ME3: variants seen among roughly 807,000 people sequenced by gnomAD.
The protein encoded by ME3 is NADP-dependent malic enzyme, mitochondrial.
ME3 carries 48 observed loss-of-function variants against 68.9 expected under a neutral mutation model. The observed-to-expected ratio is 0.70, with a 90% confidence interval of 0.55 to 0.89. The LOEUF (loss-of-function observed/expected upper bound fraction) is 0.89, where lower values mean the gene tolerates loss of function less well. Ranked by LOEUF, ME3 falls within the 40% of genes least tolerant of loss-of-function variation. The probability of loss-of-function intolerance (pLI) is 0.00; values close to 1 mark genes in which losing one functional copy is unlikely to be tolerated. For missense variants in ME3, 675 were observed against 797.4 expected (o/e 0.85, Z 1.85); for synonymous variants, 320 against 318.8 (o/e 1.00, Z -0.04).
intron 4 of ME3, among the ~76,000 whole-genome samples, chr11:86,533,033 C>G (rs80010269): frequency 2.4e-3 from 359 of 150,942 alleles, no homozygotes; most frequent in African/African-American, 8.4e-3. Flanking sequence ...GCCTGGGTGA[C>G]AGAGCAAGAT....
intron 4 of ME3, among the ~76,000 whole-genome samples, chr11:86,545,737 G>A (rs1393548439): frequency 6.6e-5 from 10 of 152,136 alleles, no homozygotes; most frequent in Non-Finnish European, 4.4e-5. Context: ...TGGCCATACT[G>A]CCCAAAGTAT....
At chr11:86,613,131 G>A (rs933887130) in intron 2 of ME3, among the ~76,000 whole-genome samples, 26 of 152,170 alleles carry the variant, frequency 1.7e-4, no homozygotes, top group Non-Finnish European at 2.9e-4. Context: ...CATATGGCTA[G>A]CCAGTTTTCC....
chr11:86,646,281 T>C lies in ME3; in HGVS notation c.183+25481A>G, dbSNP rs926312093. On this transcript the variant is annotated intron_variant, in intron 2 of 14. Transcript: ENST00000543262. ...GCTAAAGGAGCATATGCTAACCTAATGCAAGGAAGCTAAGAACCTTGATAA... is the reference window on the plus strand; with the variant it reads ...GCTAAAGGAGCATATGCTAACCTAACGCAAGGAAGCTAAGAACCTTGATAA... Among the ~76,000 whole-genome samples the C allele has an allele frequency of 3.3e-5, 5 of 152,192 alleles. No individual in the cohort carries two copies. The East Asian group carries it at 5.8e-4, about 18-fold the overall frequency.
At chr11:86,616,249 A>G (rs1347588178) in intron 2 of ME3, among the ~76,000 whole-genome samples, 2 of 152,200 alleles carry the variant, frequency 1.3e-5, no homozygotes, top group Non-Finnish European at 2.9e-5. Context: ...TTTCATTATC[A>G]TAAATAATTG....
At chr11:86,513,469 G>T (rs1953680224) in intron 4 of ME3, among the ~76,000 whole-genome samples, 1 of 152,154 alleles carries the variant, frequency 6.6e-6, no homozygotes, top group Non-Finnish European at 1.5e-5. Context: ...AAAGTCCAGA[G>T]AGGTGAAGTC....
chr11:86,514,785 A>G (rs1424056314), intron 4 of ME3, among the ~76,000 whole-genome samples: 1 of 152,230 alleles, frequency 6.6e-6, no homozygotes, highest in African/African-American at 2.4e-5. Flanking sequence ...TTTAAAAAAT[A>G]CATTACAGTG....
chr11:86,438,280 A>G (rs995303645), downstream of ME3, among the ~76,000 whole-genome samples: 3 of 152,142 alleles, frequency 2.0e-5, no homozygotes, highest in African/African-American at 7.2e-5. Flanking sequence ...TTGAACAACC[A>G]TATTGAACAA....
At chr11:86,606,590 C>T (rs1961684340) in intron 2 of ME3, among the ~76,000 whole-genome samples, 1 of 152,280 alleles carries the variant, frequency 6.6e-6, no homozygotes, top group Non-Finnish European at 1.5e-5. Flanking sequence ...TTCTGACAAC[C>T]CCAGTGAGTG....
chr11:86,472,518 A>G (rs1055088551), intron 7 of ME3, among the ~76,000 whole-genome samples: 13 of 152,176 alleles, frequency 8.5e-5, no homozygotes, highest in Non-Finnish European at 5.9e-5. Context: ...AGCTGGGTAA[A>G]ATATGTTAAG....
chr11:86,522,675 C>T (rs916149804), intron 4 of ME3, among the ~76,000 whole-genome samples: 1 of 152,102 alleles, frequency 6.6e-6, no homozygotes, highest in African/African-American at 2.4e-5. Flanking sequence ...ATGATGGCTT[C>T]CAGCTTCATC....
intron 4 of ME3, among the ~76,000 whole-genome samples, chr11:86,515,608 A>G (rs982192516): frequency 3.3e-5 from 5 of 152,202 alleles, no homozygotes; most frequent in Admixed American, 6.5e-5. Context: ...AGACACTTGA[A>G]TCTTAATATT....
intron 2 of ME3, among the ~76,000 whole-genome samples, chr11:86,660,379 G>A (rs527767953): frequency 3.5e-4 from 54 of 152,334 alleles, no homozygotes; most frequent in African/African-American, 1.3e-3. Flanking sequence ...AGAAGCTTTA[G>A]GATGTGCATT....
In ME3 at chr11:86,508,959, A is replaced by C. The variant is rs1359934113; in HGVS notation, c.468-92T>G. 9.6e-6 allele frequency: 10 copies of C among 1,046,970 alleles called. No individual in the cohort carries two copies. The East Asian group carries it at 2.0e-4, about 21-fold the overall frequency. The allele number at this position is 1,046,970 out of a possible 1,614,324, so 64.9% of individuals were successfully genotyped here. A position where few individuals can be genotyped will look rare whatever the true frequency, so the allele number is the denominator to read the frequency against. ...ATAGTACTAGGTATTGCATTAATTA[A>C]ATTTGCCCATAGACCTGGGCAAGAA... On this transcript the variant is annotated intron_variant, in intron 4 of 14. Coordinates refer to ENST00000543262, the Ensembl canonical transcript of ME3.
rs147667201 is a variant in ME3, at chr11:86,642,322, C to A, written c.183+29440G>T. Among the ~76,000 whole-genome samples, 977 of 152,304 alleles carry A rather than the reference C, an allele frequency of 6.4e-3. 18 individuals carry two copies. Among genetic ancestry groups the A allele is most frequent in the African/African-American group, 0.022 (903 of 41,560 alleles). The stretch of plus-strand genomic sequence containing the variant: ...GTGAAAATAAGAGTCCCACCCATAT[C>A]TTTGTGATTGCGGGCAGTGATGCCA... On this transcript the variant is annotated intron_variant, in intron 2 of 14. Transcript: ENST00000543262.
chr11:86,527,177 G>C (rs539758184), intron 4 of ME3, among the ~76,000 whole-genome samples: 2 of 152,324 alleles, frequency 1.3e-5, no homozygotes, highest in South Asian at 4.1e-4. Context: ...TAAAGGACCT[G>C]ATGGAGCTGA....
At chr11:86,457,618 C>T (rs1338235699) in intron 8 of ME3, 7 of 1,267,964 alleles carry the variant, frequency 5.5e-6, no homozygotes, top group Middle Eastern at 2.2e-4. Flanking sequence ...TTGGGCTATG[C>T]ACTAGGGGTT....
chr11:86,506,467 C>T (rs940453789), intron 5 of ME3, among the ~76,000 whole-genome samples: 1 of 152,260 alleles, frequency 6.6e-6, no homozygotes, highest in Non-Finnish European at 1.5e-5. Flanking sequence ...GCCCTTGATA[C>T]AGTTGTGCCC....
intron 2 of ME3, among the ~76,000 whole-genome samples, chr11:86,569,413 T>G (rs1286737150): frequency 6.6e-6 from 1 of 152,124 alleles, no homozygotes; most frequent in Non-Finnish European, 1.5e-5. Context: ...CAATCCACAG[T>G]CGACTACCTG....
At chr11:86,487,377 C>T (rs778415195) in exon 7 of ME3, 19 of 1,614,054 alleles carry the variant, frequency 1.2e-5, no homozygotes, top group Admixed American at 5.0e-5. Context: ...AGCAAGTCAT[C>T]GTATGCCTTC....
Sources: allele counts gnomAD v4.1 joint callset (sites outside exome capture counted in the v4.1 genomes callset), GRCh38; gene constraint gnomAD v4.1.1; transcripts MANE v1.5; gene names NCBI Gene and HGNC (gene_info 2026-07-23, HGNC 2026-07-21).